The following MROH2A variants were observed in gnomAD, a reference collection of about 807,000 sequenced individuals.
MROH2A encodes the protein maestro heat-like repeat-containing protein family member 2A.
MROH2A carries 174 observed loss-of-function variants against 200.4 expected under a neutral mutation model. That is an observed-to-expected ratio of 0.87 (90% CI 0.77 to 0.98). The LOEUF (loss-of-function observed/expected upper bound fraction) is 0.98, where lower values mean the gene tolerates loss of function less well. MROH2A is among the 50% of genes least tolerant of loss of function. The pLI, the probability that MROH2A is intolerant of heterozygous loss-of-function variation, is 0.00. For synonymous variants in MROH2A, 829 were observed against 840.4 expected, an observed-to-expected ratio of 0.99 and a Z score of 0.23; for missense variants, 2,045 against 2,139.6, an observed-to-expected ratio of 0.96 and a Z score of 0.87.
rs1410347707 is a variant in MROH2A, at chr2:233,808,540, C to T, written c.2296-586C>T. 5.9e-5 allele frequency among the ~76,000 whole-genome samples: 9 copies of T among 151,998 alleles called. No individual in the cohort carries two copies. In the South Asian group the frequency reaches 6.2e-4, roughly 11 times the overall value. On this transcript the variant is annotated intron_variant, in intron 21 of 41. Transcript: ENST00000389758. ...GTCTGGTTGTTTGGATGAAGAAAATCGAGAGAGTCCCAGGCTTTCTTCCAG... is the reference window on the plus strand; with the variant it reads ...GTCTGGTTGTTTGGATGAAGAAAATTGAGAGAGTCCCAGGCTTTCTTCCAG...
At chr2:233,792,925 G>T (rs1168340814) in intron 6 of MROH2A, 31 bp downstream of exon 6, 1 of 1,549,104 alleles carries the variant, frequency 6.5e-7, no homozygotes, top group Admixed American at 2.0e-5. Context: ...TGCAGGTCTG[G>T]CTCGATCAGG....
intron 1 of MROH2A, among the ~76,000 whole-genome samples, chr2:233,778,876 T>TA (rs1700796252): frequency 6.6e-6 from 1 of 152,232 alleles, no homozygotes; most frequent in Non-Finnish European, 1.5e-5. Context: ...GCCAGGAGTC[T>TA]AGGCATGGCT....
chr2:233,830,143 T>G (rs1348171546), intron 38 of MROH2A, among the ~76,000 whole-genome samples: 1 of 152,266 alleles, frequency 6.6e-6, no homozygotes, highest in African/African-American at 2.4e-5. Flanking sequence ...TCTTGTCCAC[T>G]GCCTGCAGGC....
At position 233,829,089 on chromosome 2, in the gene MROH2A, C is replaced by T. The variant is rs758965272; in HGVS notation, c.4446+17C>T. 46 of 1,490,190 alleles carry T rather than the reference C, an allele frequency of 3.1e-5. 1 individual carries two copies. In the South Asian group the frequency reaches 5.8e-4, roughly 19 times the overall value. 92.3% of individuals were successfully genotyped at this position (1,490,190 alleles called of 1,614,324 possible). A position where few individuals can be genotyped will look rare whatever the true frequency, so the allele number is the denominator to read the frequency against. The stretch of plus-strand genomic sequence containing the variant: ...TTCGACAACGTGAGTCCGATGAGAG[C>T]CTCCCTGAGCTTGCTCAGTGAAGGA... On this transcript the variant is annotated intron_variant, in intron 37 of 41. Coordinates refer to ENST00000389758, the MANE Select transcript of MROH2A (RefSeq NM_001394639.1).
chr2:233,822,165 C>G lies in MROH2A; in HGVS notation c.3554C>G (p.Pro1185Arg). Residue 1185 changes from proline (P) to arginine (R), a missense_variant, in exon 32 of 42, where the codon CCC becomes CGC. By Grantham distance (103) the Pro-to-Arg change is moderately radical. This residue lies in a region of MROH2A where 1,201 missense variants were observed against 1,311.3 expected (regional missense o/e 0.92). Coordinates refer to ENST00000389758, the MANE Select transcript of MROH2A (RefSeq NM_001394639.1). The stretch of plus-strand genomic sequence containing the variant: ...TGGCTGGCAGTGTCGGAGAACGTGC[C>G]CTTCGCCCGGACCATGCTCCACAGC... Reference protein sequence around the residue: ...EVWLAVSENVPFARTMLHSLM... With the variant: ...EVWLAVSENVRFARTMLHSLM... 6.5e-7 allele frequency: 1 copy of G among 1,549,986 alleles called. No homozygotes were observed. The highest frequency in any genetic ancestry group is 2.4e-5 in the East Asian group (1 of 40,916).
chr2:233,802,523 T>C (rs1333903437), intron 15 of MROH2A: 1 of 558,204 alleles, frequency 1.8e-6, no homozygotes, highest in East Asian at 3.1e-5. Context: ...TAAACTTCCT[T>C]TGGATAGCTC....
At chr2:233,826,591 A>T (rs1704323417) in intron 35 of MROH2A, among the ~76,000 whole-genome samples, 4 of 152,246 alleles carry the variant, frequency 2.6e-5, no homozygotes, top group Admixed American at 2.6e-4. Flanking sequence ...TTAAAGACTT[A>T]AATGTAAAAC....
intron 31 of MROH2A, among the ~76,000 whole-genome samples, chr2:233,821,781 A>C (rs1703951640): frequency 6.6e-6 from 1 of 152,094 alleles, no homozygotes; most frequent in Non-Finnish European, 1.5e-5. Flanking sequence ...ACCGACAACC[A>C]ACCTGATGCA....
chr2:233,794,504 C>A lies in MROH2A; in HGVS notation c.964C>A (p.Gln322Lys). 6.7e-7 allele frequency: 1 copy of A among 1,502,848 alleles called. No individual in the cohort carries two copies. The highest frequency in any genetic ancestry group is 9.1e-7 in the Non-Finnish European group (1 of 1,103,632). 93.1% of individuals were successfully genotyped at this position (1,502,848 alleles called of 1,614,324 possible). ...CAGTCTGGAGGTGCTCTTCGTCACG[C>A]AGGCGAGTGGCCAGGCAGCCACGGC... ...QGSLEVLFVT[Q>K]VLRQILELSV... The change falls in exon 8 of 42, where the codon CAG becomes AAG. Residue 322 changes from glutamine (Q) to lysine (K), a missense_variant and splice_region_variant. Gln to Lys is a moderately conservative substitution (Grantham distance 53). This residue lies in a region of MROH2A where 831 missense variants were observed against 800.0 expected (regional missense o/e 1.04). Transcript: ENST00000389758.
At chr2:233,809,321 C>G in intron 22 of MROH2A, 43 bp downstream of exon 22, 2 of 1,537,874 alleles carry the variant, frequency 1.3e-6, no homozygotes, top group South Asian at 2.4e-5. Context: ...CTGGACCAGG[C>G]TGGTGGGTAG....
intron 39 of MROH2A, 28 bp downstream of exon 39, chr2:233,831,568 C>A: frequency 6.5e-7 from 1 of 1,540,570 alleles, no homozygotes; most frequent in South Asian, 1.2e-5. Context: ...GGAACCAGCC[C>A]GTCCCAGGTG....
At position 233,807,816 on chromosome 2, in the gene MROH2A, C is replaced by T; in HGVS notation, c.2256C>T (p.Ile752=). The T allele has an allele frequency of 1.3e-6, 2 of 1,550,964 alleles. No homozygotes were observed. The highest frequency in any genetic ancestry group is 1.7e-6 in the Non-Finnish European group (2 of 1,147,064). ...LNVLHDFEER[I]QESEQSWQIS... ...TGCTTCATGACTTCGAGGAGAGGAT[C>T]CAGGAGTCAGAGCAGTCCTGGCAGA... Residue 752 remains isoleucine (I), a synonymous_variant, in exon 21 of 42, where the codon ATC becomes ATT. Coordinates refer to ENST00000389758, the MANE Select transcript of MROH2A (RefSeq NM_001394639.1). The surrounding 1 kb of genome is among the most constrained non-coding windows in gnomAD (Gnocchi z 4.3).
chr2:233,790,436 T>TCCTCCCTCCCTCCCCCCTTCCTC (rs1701649180), intron 5 of MROH2A, among the ~76,000 whole-genome samples: 1 of 80,944 alleles, frequency 1.2e-5, no homozygotes, highest in Non-Finnish European at 2.2e-5. Flanking sequence ...CTTCTCTCCT[T>TCCTCCCTCCCTCCCCCCTTCCTC]CCTTCCTCCC....
rs772449135 is a variant in MROH2A at position 233,816,770 on chromosome 2, TCTACCCATAG to T, written c.2857-8_2858del. On this transcript the variant is annotated splice_acceptor_variant and splice_polypyrimidine_tract_variant and intron_variant, in intron 26 of 41. Coordinates refer to ENST00000389758, the MANE Select transcript of MROH2A (RefSeq NM_001394639.1). LOFTEE classifies it high-confidence loss of function. ...TAACACCCACTTTGGTGTTCTGGGC[TCTACCCATAG>T]CTCCTGGAAAAGTGGATCTTGTCGG... The T allele has an allele frequency of 6.5e-7, 1 of 1,545,496 alleles. No homozygotes were observed. The highest frequency in any genetic ancestry group is 1.2e-5 in the South Asian group (1 of 83,944).
intron 41 of MROH2A, among the ~76,000 whole-genome samples, chr2:233,832,922 A>T (rs1704881538): frequency 6.6e-6 from 1 of 152,070 alleles, no homozygotes; most frequent in South Asian, 2.1e-4. Context: ...TCTGTGGGTG[A>T]TTTCTGTCCC....
rs758857468 is a variant in MROH2A at position 233,800,234 on chromosome 2, G to C, written c.1479G>C (p.Arg493Ser). The change falls in exon 14 of 42, where the codon AGG (arginine) becomes AGC (serine). Residue 493 changes from arginine to serine, a missense_variant. Transcript: ENST00000389758. ...ATCGCCGGGAGAAGTTTTATCAGAG[G>C]GACTTGGAGGAGAGGATGGTCCACA... ...LTNRREKFYQ[R>S]DLEERMVHKV... is the part of the protein sequence containing the mutation. The C allele has an allele frequency of 2.8e-5, 43 of 1,549,812 alleles. No individual in the cohort carries two copies. Among genetic ancestry groups the C allele is most frequent in the South Asian group, 6.0e-5 (5 of 83,992 alleles).
Position 233,807,592 on chromosome 2 carries a change from C to A in MROH2A, c.2172+50C>A, listed in dbSNP as rs1040622917. 1 of 1,547,182 alleles carries A rather than the reference C, an allele frequency of 6.5e-7. No individual in the cohort carries two copies. The highest frequency in any genetic ancestry group is 2.4e-5 in the East Asian group (1 of 40,858). ...TGTCCACCAGATGCCTCTGGACCCT[C>A]GGGGACATGTGTGTTCATGTGGCTG... On this transcript the variant is annotated intron_variant, in intron 20 of 41. Transcript: ENST00000389758. The surrounding 1 kb of genome is among the most constrained non-coding windows in gnomAD (Gnocchi z 4.3).
intron 11 of MROH2A, among the ~76,000 whole-genome samples, chr2:233,798,423 C>T (rs989824641): frequency 2.0e-5 from 3 of 152,208 alleles, no homozygotes; most frequent in Non-Finnish European, 4.4e-5. Context: ...ATGCTCTTCA[C>T]GGTGGTGCTT....
At chr2:233,792,549 G>A (rs952988742) in intron 5 of MROH2A, among the ~76,000 whole-genome samples, 12 of 152,222 alleles carry the variant, frequency 7.9e-5, no homozygotes, top group East Asian at 3.9e-4. Flanking sequence ...TCCTGACCTC[G>A]TGATCCGCCC....
Sources: gnomAD v4.1 joint callset for allele counts (sites outside exome capture counted in the v4.1 genomes callset) on GRCh38, gnomAD v4.1.1 for gene constraint, gnomAD v4.1.1 regional missense constraint, Gnocchi (gnomAD v3.1) non-coding constraint, MANE v1.5 for transcripts, NCBI Gene and HGNC (gene_info 2026-07-23, HGNC 2026-07-21) for gene names.